CTNNA3: variants seen among roughly 807,000 people sequenced by gnomAD.
CTNNA3 encodes the protein catenin alpha 3, also known as catenin alpha-3.
Under a neutral mutation model 95.7 loss-of-function variants are expected in CTNNA3, and 76 were observed. That is an observed-to-expected ratio of 0.79 (90% CI 0.66 to 0.96). The LOEUF (loss-of-function observed/expected upper bound fraction) is 0.96. CTNNA3 is among the 40% of genes least tolerant of loss of function. CTNNA3 has a pLI of 0.00. For missense variants in CTNNA3, 1,191 were observed against 1,089.8 expected, an observed-to-expected ratio of 1.09 and a Z score of -1.31; for synonymous variants, 431 against 374.4, an observed-to-expected ratio of 1.15 and a Z score of -1.74.
chr10:67,658,599 A>C (rs1477183271), intron 1 of CTNNA3, among the ~76,000 whole-genome samples: 2 of 152,216 alleles, frequency 1.3e-5, no homozygotes, highest in African/African-American at 4.8e-5. Flanking sequence ...CAACATGCCT[A>C]AAGTACTGTC....
At chr10:67,094,006 C>G (rs1455351458) in intron 7 of CTNNA3, among the ~76,000 whole-genome samples, 1 of 151,938 alleles carries the variant, frequency 6.6e-6, no homozygotes, top group Non-Finnish European at 1.5e-5. Flanking sequence ...ATGTGTTGCA[C>G]ACTCAGCATC....
chr10:66,564,889 A>C (rs1302823035), intron 10 of CTNNA3, among the ~76,000 whole-genome samples: 2 of 152,182 alleles, frequency 1.3e-5, no homozygotes, highest in Non-Finnish European at 2.9e-5. Context: ...GTTGCTCTTC[A>C]GTTAAGGCAC....
At chr10:67,595,997 C>G in intron 3 of CTNNA3, among the ~76,000 whole-genome samples, 1 of 152,118 alleles carries the variant, frequency 6.6e-6, no homozygotes, top group South Asian at 2.1e-4. Context: ...TTCTCCATCC[C>G]TTTATTTTGA....
At chr10:66,366,221 G>A (rs976026995) in intron 12 of CTNNA3, among the ~76,000 whole-genome samples, 2 of 152,112 alleles carry the variant, frequency 1.3e-5, no homozygotes, top group Non-Finnish European at 2.9e-5. Flanking sequence ...GGCTGAGTCA[G>A]TACTCATGAG....
At chr10:67,643,685 G>GC (rs1342363494) in intron 2 of CTNNA3, among the ~76,000 whole-genome samples, 1 of 151,188 alleles carries the variant, frequency 6.6e-6, no homozygotes, top group Non-Finnish European at 1.5e-5. Flanking sequence ...CCCTCCCCTA[G>GC]CCCCCACCTC....
rs561751555 is a variant in CTNNA3, at chr10:66,260,118, A to G, written c.1884+20352T>C. 1.9e-4 allele frequency among the ~76,000 whole-genome samples: 29 copies of G among 152,226 alleles called. No individual in the cohort carries two copies. The South Asian group carries it at 6.0e-3, about 32-fold the overall frequency. On this transcript the variant is annotated intron_variant, in intron 13 of 17. Coordinates refer to ENST00000433211, the MANE Select transcript of CTNNA3 (RefSeq NM_013266.4). ...TTGCCTGAAGTCCCTTTATCTGCCT[A>G]AAGTACTGATCCACCAGGAGAACAA...
At chr10:66,749,566 A>G (rs1231104884) in intron 9 of CTNNA3, among the ~76,000 whole-genome samples, 4 of 152,058 alleles carry the variant, frequency 2.6e-5, no homozygotes, top group Non-Finnish European at 5.9e-5. Context: ...GTTGAGTAAT[A>G]TTCCCATTGT....
At chr10:67,442,332 C>A (rs1846552592) in intron 5 of CTNNA3, among the ~76,000 whole-genome samples, 1 of 151,690 alleles carries the variant, frequency 6.6e-6, no homozygotes, top group Non-Finnish European at 1.5e-5. Context: ...AAACAAATAA[C>A]AAAATAACAA....
Position 66,404,940 on chromosome 10 carries a change from G to A in CTNNA3, c.1532-25588C>T, listed in dbSNP as rs149392560. On this transcript the variant is annotated intron_variant, in intron 11 of 17. Coordinates refer to ENST00000433211, the MANE Select transcript of CTNNA3 (RefSeq NM_013266.4). ...GGCAGAACATTCCAAAGAGAGGGGA[G>A]ATGTGGGAGAAGTAAGCGTGATATC... 5.6e-3 allele frequency among the ~76,000 whole-genome samples: 851 copies of A among 152,292 alleles called. 6 individuals are homozygous for A. Among genetic ancestry groups the A allele is most frequent in the Non-Finnish European group, 8.6e-3 (583 of 68,018 alleles).
At chr10:67,364,021 AAAG>A (rs1246141865) in intron 5 of CTNNA3, among the ~76,000 whole-genome samples, 1 of 152,194 alleles carries the variant, frequency 6.6e-6, no homozygotes, top group African/African-American at 2.4e-5. Context: ...AGACACAACA[AAAG>A]AAGAGAATTT....
At chr10:66,685,946 C>A (rs997533702) in intron 9 of CTNNA3, among the ~76,000 whole-genome samples, 2 of 152,124 alleles carry the variant, frequency 1.3e-5, no homozygotes, top group African/African-American at 2.4e-5. Flanking sequence ...CCTCCCAACT[C>A]TAAATTTTCA....
chr10:66,029,654 T>C (rs1204706699), intron 15 of CTNNA3, among the ~76,000 whole-genome samples: 1 of 152,218 alleles, frequency 6.6e-6, no homozygotes, highest in Non-Finnish European at 1.5e-5. Context: ...TTACTTACTG[T>C]GCCCAATCCT....
intron 13 of CTNNA3, among the ~76,000 whole-genome samples, chr10:66,199,789 ATATATATATATATATATTTTTTTTTTT>A (rs1484988519): frequency 1.1e-3 from 12 of 11,160 alleles, no homozygotes; most frequent in Admixed American, 4.3e-3. Flanking sequence ...ATATATATAT[ATATATATATATATATATTTTTTTTTTT>A]TTTTTTTTTT....
At chr10:67,756,033 C>G (rs568103551) in intron 1 of CTNNA3, among the ~76,000 whole-genome samples, 6 of 152,160 alleles carry the variant, frequency 3.9e-5, no homozygotes, top group Admixed American at 1.3e-4. Context: ...AACTGAAGTT[C>G]ATTATCTTAG....
intron 9 of CTNNA3, among the ~76,000 whole-genome samples, chr10:66,708,905 T>A (rs1848205223): frequency 6.6e-6 from 1 of 152,102 alleles, no homozygotes; most frequent in Admixed American, 6.6e-5. Flanking sequence ...TTTTGAAATA[T>A]CAACCGTTTT....
At chr10:66,994,116 T>C (rs1178138743) in intron 7 of CTNNA3, among the ~76,000 whole-genome samples, 1 of 152,152 alleles carries the variant, frequency 6.6e-6, no homozygotes, top group Non-Finnish European at 1.5e-5. Context: ...ATAAGTAGCA[T>C]TCATGTAGTA....
rs146542702 is a variant in CTNNA3, at chr10:66,491,387, A to G, written c.1531+29230T>C. Among the ~76,000 whole-genome samples the G allele has an allele frequency of 2.4e-3, 363 of 152,350 alleles. 1 individual carries two copies. Among genetic ancestry groups the G allele is most frequent in the African/African-American group, 8.1e-3 (335 of 41,574 alleles). ...TCTCCAGAACCATATAATCCAGCTGAAACAGTTTACAAAATTTCTTTCAAA... is the reference window on the plus strand; with the variant it reads ...TCTCCAGAACCATATAATCCAGCTGGAACAGTTTACAAAATTTCTTTCAAA... On this transcript the variant is annotated intron_variant, in intron 11 of 17. Transcript: ENST00000433211.
chr10:66,223,344 C>G (rs904297669), intron 13 of CTNNA3, among the ~76,000 whole-genome samples: 7 of 152,074 alleles, frequency 4.6e-5, no homozygotes, highest in East Asian at 3.9e-4. Context: ...TACATTTGTA[C>G]ATTTTTATAG....
At chr10:66,257,637 C>T (rs1362701950) in intron 13 of CTNNA3, among the ~76,000 whole-genome samples, 2 of 152,192 alleles carry the variant, frequency 1.3e-5, no homozygotes, top group African/African-American at 2.4e-5. Context: ...CATTCAGCTT[C>T]AGATTCCCAA....
Sources: allele counts gnomAD v4.1 joint callset (sites outside exome capture counted in the v4.1 genomes callset), GRCh38; gene constraint gnomAD v4.1.1; transcripts MANE v1.5; gene names NCBI Gene and HGNC (gene_info 2026-07-23, HGNC 2026-07-21).